Variants in ZNF704 observed in about 807,000 individuals in gnomAD.
The protein encoded by ZNF704 is zinc finger protein 704.
In ZNF704, 10 loss-of-function variants were observed where a neutral mutation model predicts 44.7. The observed-to-expected ratio is 0.22, with a 90% CI of 0.14 to 0.38. The LOEUF is 0.38. Ranked by LOEUF, ZNF704 falls within the 10% of genes least tolerant of loss-of-function variation. The pLI, the probability that ZNF704 is intolerant of heterozygous loss-of-function variation, is 1.00. For missense variants in ZNF704, 390 were observed against 545.5 expected (o/e 0.71, Z 2.84); for synonymous variants, 211 against 207.6 (o/e 1.02, Z -0.14).
intron 4 of ZNF704, among the ~76,000 whole-genome samples, chr8:80,685,685 G>C (rs967612740): frequency 6.6e-6 from 1 of 152,132 alleles, no homozygotes; most frequent in Non-Finnish European, 1.5e-5. Flanking sequence ...ACTGCCTCTG[G>C]GAAGGTCAGG....
At chr8:80,754,019 A>G (rs73268635) in intron 2 of ZNF704, among the ~76,000 whole-genome samples, 1 of 152,154 alleles carries the variant, frequency 6.6e-6, no homozygotes, top group African/African-American at 2.4e-5. Context: ...AGCAGCTGCC[A>G]GTCTTACTCA....
intron 2 of ZNF704, among the ~76,000 whole-genome samples, chr8:80,730,463 C>G (rs1806560083): frequency 1.4e-5 from 2 of 147,250 alleles, no homozygotes; most frequent in African/African-American, 5.1e-5. Context: ...CACTTGAACC[C>G]AGGAGGCGGA....
At chr8:80,761,209 T>C (rs564012259) in intron 2 of ZNF704, among the ~76,000 whole-genome samples, 43 of 152,276 alleles carry the variant, frequency 2.8e-4, no homozygotes, top group Non-Finnish European at 5.6e-4. Context: ...CTTCACCAGA[T>C]ACCAAATGCC....
At chr8:80,852,853 C>A (rs1305665259) in intron 1 of ZNF704, among the ~76,000 whole-genome samples, 1 of 152,104 alleles carries the variant, frequency 6.6e-6, no homozygotes, top group African/African-American at 2.4e-5. Context: ...TTTTAGCCCC[C>A]CAAAGTGCCT....
rs1379873397 is a variant in ZNF704 at position 80,633,284 on chromosome 8, G to C, written c.*8082C>G. ...TATACATAGCAAATGTTGTATGCTA[G>C]CAGCAAAATAAATTTTCCCCAAAGA... On this transcript the variant is annotated 3_prime_UTR_variant, in exon 9 of 9. Coordinates refer to ENST00000327835, the MANE Select transcript of ZNF704 (RefSeq NM_001033723.3). 1 of 152,116 alleles carries C rather than the reference G, an allele frequency of 6.6e-6. No homozygotes were observed. Among genetic ancestry groups the C allele is most frequent in the Non-Finnish European group, 1.5e-5 (1 of 68,030 alleles). 9.4% of individuals were successfully genotyped at this position (152,116 alleles called of 1,614,324 possible).
At chr8:80,865,120 G>C (rs577309401) in intron 1 of ZNF704, among the ~76,000 whole-genome samples, 1 of 152,264 alleles carries the variant, frequency 6.6e-6, no homozygotes, top group Admixed American at 6.5e-5. Flanking sequence ...TAAGGAGGTT[G>C]TAACAGTCAA....
intron 1 of ZNF704, among the ~76,000 whole-genome samples, chr8:80,859,610 C>A (rs1316216962): frequency 6.6e-6 from 1 of 152,152 alleles, no homozygotes; most frequent in Non-Finnish European, 1.5e-5. Flanking sequence ...TTTCTTAATA[C>A]AAATATTTTG....
intron 4 of ZNF704, among the ~76,000 whole-genome samples, chr8:80,686,936 A>G (rs1331354022): frequency 1.3e-5 from 2 of 152,158 alleles, no homozygotes; most frequent in African/African-American, 4.8e-5. Context: ...CTGAGGTCCA[A>G]TTTTCTAACT....
chr8:80,850,277 C>T (rs1346544543), intron 1 of ZNF704, among the ~76,000 whole-genome samples: 1 of 152,032 alleles, frequency 6.6e-6, no homozygotes, highest in East Asian at 1.9e-4. Flanking sequence ...TGTAACTGTT[C>T]ATTTTTTTTC....
chr8:80,796,965 A>AAGGGAGGAAGGG (rs1727655447), intron 2 of ZNF704, among the ~76,000 whole-genome samples: 1 of 108,696 alleles, frequency 9.2e-6, no homozygotes, highest in South Asian at 3.5e-4. Context: ...GAGAGAAGGA[A>AAGGGAGGAAGGG]AGGGAGGGAG....
chr8:80,824,426 G>A (rs940812324), intron 1 of ZNF704, among the ~76,000 whole-genome samples: 10 of 152,242 alleles, frequency 6.6e-5, no homozygotes, highest in Non-Finnish European at 1.2e-4. Flanking sequence ...ATGGGACTAT[G>A]TGAAAAGACC....
chr8:80,684,832 A>G lies in ZNF704; in HGVS notation c.558+2394T>C, dbSNP rs138952476. Among the ~76,000 whole-genome samples, 395 of 152,322 alleles carry G rather than the reference A, an allele frequency of 2.6e-3. 1 individual carries two copies. Among genetic ancestry groups the G allele is most frequent in the Non-Finnish European group, 4.6e-3 (316 of 68,022 alleles). ...GCATTTTGCCTGATACGTGCTCAAT[A>G]AATATTGGTTCACCTAATAAATTTA... is the stretch of plus-strand genomic sequence containing the variant. On this transcript the variant is annotated intron_variant, in intron 4 of 8. Transcript: ENST00000327835.
intron 7 of ZNF704, chr8:80,645,059 C>A (rs1817805752): frequency 2.1e-6 from 3 of 1,400,760 alleles, no homozygotes; most frequent in Non-Finnish European, 3.0e-6. Context: ...CAGATTCAGA[C>A]ATCAAATGGG....
chr8:80,631,840 A>C lies in ZNF704; in HGVS notation c.*9526T>G, dbSNP rs886747894. The stretch of plus-strand genomic sequence containing the variant: ...AATAGCCACACTGACTGAGCCTTAC[A>C]TCCCAGTTATAGTAATATTTATCCC... On this transcript the variant is annotated 3_prime_UTR_variant, in exon 9 of 9. Transcript: ENST00000327835. The C allele has an allele frequency of 6.6e-6, 1 of 152,214 alleles. No homozygotes were observed. The highest frequency in any genetic ancestry group is 1.5e-5 in the Non-Finnish European group (1 of 68,046). The allele number at this position is 152,214 out of a possible 1,614,324, so 9.4% of individuals were successfully genotyped here.
chr8:80,704,407 A>T (rs1460361413), intron 2 of ZNF704, among the ~76,000 whole-genome samples: 1 of 152,172 alleles, frequency 6.6e-6, no homozygotes, highest in Non-Finnish European at 1.5e-5. Context: ...GTTTTCCTCC[A>T]TCCCTGTCTC....
chr8:80,854,278 C>G lies in ZNF704; in HGVS notation c.-22+20293G>C, dbSNP rs556426445. On this transcript the variant is annotated intron_variant, in intron 1 of 8. Coordinates refer to ENST00000327835, the MANE Select transcript of ZNF704 (RefSeq NM_001033723.3). ...ATGTTAACCCTTAAAAGTAAAGCTT[C>G]TCTCTCTAGTGATATGTTCCAGTTC... 5.3e-5 allele frequency among the ~76,000 whole-genome samples: 8 copies of G among 152,296 alleles called. No homozygotes were observed. In the South Asian group the frequency reaches 1.7e-3, roughly 32 times the overall value.
At chr8:80,652,042 C>A (rs973680469) in intron 7 of ZNF704, among the ~76,000 whole-genome samples, 2 of 152,168 alleles carry the variant, frequency 1.3e-5, no homozygotes, top group African/African-American at 4.8e-5. Flanking sequence ...TACATGGAAA[C>A]TGAACAACCT....
At chr8:80,723,132 C>T (rs749594169) in intron 2 of ZNF704, among the ~76,000 whole-genome samples, 10 of 152,118 alleles carry the variant, frequency 6.6e-5, no homozygotes, top group Non-Finnish European at 1.0e-4. Context: ...AAGTTTTCTT[C>T]CCATTAAAAA....
intron 2 of ZNF704, among the ~76,000 whole-genome samples, chr8:80,727,936 T>G (rs1052828694): frequency 6.6e-6 from 1 of 152,200 alleles, no homozygotes. Flanking sequence ...AATAAGTCAC[T>G]GATTGCTGCA....
Sources: gnomAD v4.1 joint callset for allele counts (sites outside exome capture counted in the v4.1 genomes callset) on GRCh38, gnomAD v4.1.1 for gene constraint, MANE v1.5 for transcripts, NCBI Gene and HGNC (gene_info 2026-07-23, HGNC 2026-07-21) for gene names.